Variants in B3GLCT observed in about 807,000 individuals in gnomAD.
B3GLCT encodes the protein beta 3-glucosyltransferase, also known as beta-1,3-glucosyltransferase.
B3GLCT carries 65 observed loss-of-function variants against 63.4 expected under a neutral mutation model. The ratio of observed to expected loss-of-function variants is 1.03; its 90% CI spans 0.84 to 1.26. The LOEUF (loss-of-function observed/expected upper bound fraction) is 1.26, where lower values mean the gene tolerates loss of function less well. Ranked by LOEUF, B3GLCT falls within the 50% of genes most tolerant of loss-of-function variation. B3GLCT has a pLI of 0.00. For synonymous variants in B3GLCT, 233 were observed against 219.2 expected (o/e 1.06, Z -0.55); for missense variants, 577 against 604.8 (o/e 0.95, Z 0.48).
At chr13:31,207,129 T>G (rs1869001016) in intron 1 of B3GLCT, among the ~76,000 whole-genome samples, 1 of 152,204 alleles carries the variant, frequency 6.6e-6, no homozygotes, top group Non-Finnish European at 1.5e-5. Context: ...TCCATCTACC[T>G]ACCCATCTGC....
intron 4 of B3GLCT, among the ~76,000 whole-genome samples, chr13:31,244,452 A>G (rs541972723): frequency 2.6e-5 from 4 of 152,324 alleles, no homozygotes; most frequent in South Asian, 4.1e-4. Flanking sequence ...AGATTGCGCC[A>G]TTGCACTACA....
chr13:31,276,679 A>G (rs1293148803), intron 9 of B3GLCT, 23 bp from the exon 10 acceptor site: 4 of 1,563,422 alleles, frequency 2.6e-6, no homozygotes, highest in Non-Finnish European at 3.5e-6. Flanking sequence ...ATATGCATAC[A>G]TTTTTTCTTT....
chr13:31,207,632 C>G (rs1789963615), intron 1 of B3GLCT, among the ~76,000 whole-genome samples: 1 of 152,050 alleles, frequency 6.6e-6, no homozygotes. Context: ...TTGGTCTCAT[C>G]AAACTTTGTT....
chr13:31,316,721 G>C (rs1264952289), intron 12 of B3GLCT, among the ~76,000 whole-genome samples: 2 of 151,700 alleles, frequency 1.3e-5, no homozygotes, highest in African/African-American at 4.8e-5. Flanking sequence ...TTAAAACATA[G>C]AAAAAATAGG....
rs149220882 is a variant in B3GLCT at position 31,281,088 on chromosome 13, A to G, written c.851-3560A>G. ...AGAATTTTCTTTGCATCATTTTTCC[A>G]TGCAGTTTGTGTACATGTCTCATGT... On this transcript the variant is annotated intron_variant, in intron 10 of 14. Transcript: ENST00000343307. 4.8e-4 allele frequency among the ~76,000 whole-genome samples: 73 copies of G among 152,162 alleles called. 1 individual carries two copies. In the South Asian group the frequency reaches 6.2e-3, roughly 13 times the overall value.
At chr13:31,327,106 A>G (rs1875664479) in intron 14 of B3GLCT, among the ~76,000 whole-genome samples, 1 of 152,232 alleles carries the variant, frequency 6.6e-6, no homozygotes, top group Admixed American at 6.5e-5. Flanking sequence ...AACCTTGGCT[A>G]TACTGAACCC....
intron 13 of B3GLCT, among the ~76,000 whole-genome samples, chr13:31,321,812 A>C (rs542299358): frequency 6.8e-6 from 1 of 147,676 alleles, no homozygotes; most frequent in East Asian, 2.0e-4. Context: ...AAGTTTTGGT[A>C]CTTGGAGAAA....
At chr13:31,228,444 G>A (rs1870211720) in intron 3 of B3GLCT, among the ~76,000 whole-genome samples, 1 of 152,208 alleles carries the variant, frequency 6.6e-6, no homozygotes, top group Non-Finnish European at 1.5e-5. Context: ...CAACAGAAAT[G>A]TATTGTCTCA....
chr13:31,213,609 CCCCCCCACCCCA>C (rs1869392004), intron 1 of B3GLCT, among the ~76,000 whole-genome samples: 1 of 38,496 alleles, frequency 2.6e-5, no homozygotes, highest in South Asian at 1.8e-3. Context: ...CAAAACAACA[CCCCCCCACCCCA>C]CCCCCCCCCC....
intron 1 of B3GLCT, among the ~76,000 whole-genome samples, chr13:31,208,356 G>A (rs1869075345): frequency 1.3e-5 from 2 of 152,030 alleles, no homozygotes; most frequent in East Asian, 1.9e-4. Context: ...TTGGCCTCAC[G>A]AGCCTTGGCT....
chr13:31,200,343 G>C (rs1868580797), intron 1 of B3GLCT, among the ~76,000 whole-genome samples, 189 bp downstream of exon 1: 1 of 148,754 alleles, frequency 6.7e-6, no homozygotes, highest in African/African-American at 2.4e-5. Context: ...GCCCAGGTGG[G>C]ACCCGGGCCC....
intron 4 of B3GLCT, among the ~76,000 whole-genome samples, chr13:31,244,480 G>A (rs1410936751): frequency 1.3e-5 from 2 of 152,076 alleles, no homozygotes; most frequent in Non-Finnish European, 2.9e-5. Context: ...TGACAAGAGC[G>A]AAACTCTGTC....
At chr13:31,288,426 C>T (rs1276483553) in intron 12 of B3GLCT, among the ~76,000 whole-genome samples, 1 of 152,188 alleles carries the variant, frequency 6.6e-6, no homozygotes, top group Non-Finnish European at 1.5e-5. Context: ...AAGCAGTTCA[C>T]CTGCAGGCCC....
chr13:31,218,768 G>A (rs1057326384), intron 2 of B3GLCT, among the ~76,000 whole-genome samples: 9 of 152,114 alleles, frequency 5.9e-5, no homozygotes, highest in African/African-American at 2.2e-4. Context: ...TCCTTGTCTT[G>A]TTCCTGTTTT....
intron 4 of B3GLCT, 55 bp from the exon 5 acceptor site, chr13:31,246,968 C>G (rs367837499): frequency 6.7e-6 from 4 of 595,132 alleles, no homozygotes; most frequent in Non-Finnish European, 1.0e-5. Context: ...TTTTTTTTTA[C>G]TTTTTTTCGG....
intron 8 of B3GLCT, among the ~76,000 whole-genome samples, chr13:31,270,120 G>A (rs568044761): frequency 6.6e-6 from 1 of 152,264 alleles, no homozygotes; most frequent in East Asian, 1.9e-4. Context: ...GAGGCAGGTG[G>A]CAGTTGTCCC....
At chr13:31,238,726 G>C (rs759803560) in intron 4 of B3GLCT, among the ~76,000 whole-genome samples, 5 of 152,178 alleles carry the variant, frequency 3.3e-5, no homozygotes, top group Non-Finnish European at 5.9e-5. Flanking sequence ...AGGATTGCTT[G>C]AATCTAAGAG....
chr13:31,246,946 C>CTTTTCTTTTTTTTTT, intron 4 of B3GLCT, 77 bp from the exon 5 acceptor site: 3 of 1,011,084 alleles, frequency 3.0e-6, no homozygotes, highest in South Asian at 1.5e-5. Context: ...CTTTTCTTTT[C>CTTTTCTTTTTTTTTT]TTTTCTTTTT....
In B3GLCT at chr13:31,315,745, G is replaced by A. The variant is rs1380034225; in HGVS notation, c.1065-1821G>A. On this transcript the variant is annotated intron_variant, in intron 12 of 14. Transcript: ENST00000343307. Reference sequence around the variant, plus strand: ...AGACAATAGGGAAAATGTCTCCAGGGCATGTCAGAGATCTTCACAGCTGCC... The same window carrying A: ...AGACAATAGGGAAAATGTCTCCAGGACATGTCAGAGATCTTCACAGCTGCC... 2.0e-4 allele frequency among the ~76,000 whole-genome samples: 30 copies of A among 152,180 alleles called. 1 individual carries two copies. The highest frequency in any genetic ancestry group is 1.8e-3 in the Admixed American group (28 of 15,286).
Sources: gnomAD v4.1 joint callset for allele counts (sites outside exome capture counted in the v4.1 genomes callset) on GRCh38, gnomAD v4.1.1 for gene constraint, MANE v1.5 for transcripts, NCBI Gene and HGNC (gene_info 2026-07-23, HGNC 2026-07-21) for gene names.